PCDHGA1: variants seen among roughly 807,000 people sequenced by gnomAD.
The protein encoded by PCDHGA1 is protocadherin gamma-A1.
In PCDHGA1, 32 loss-of-function variants were observed where a neutral mutation model predicts 58.0. The ratio of observed to expected loss-of-function variants is 0.55; its 90% CI spans 0.42 to 0.74. The LOEUF is 0.74. PCDHGA1 is among the 30% of genes least tolerant of loss of function. The pLI is 0.00. For synonymous variants in PCDHGA1, 498 were observed against 501.1 expected, an observed-to-expected ratio of 0.99 and a Z score of 0.08; for missense variants, 1,205 against 1,182.3, an observed-to-expected ratio of 1.02 and a Z score of -0.28.
At chr5:141,482,530 C>CAAAAAAAAAAAA (rs3074545) in intron 1 of PCDHGA1, among the ~76,000 whole-genome samples, 11 of 76,552 alleles carry the variant, frequency 1.4e-4, no homozygotes, top group African/African-American at 2.9e-4. Flanking sequence ...GACAGACATG[C>CAAAAAAAAAAAA]AAAAAAAAAA....
At chr5:141,417,890 G>GCCGGC (rs2096180101) in intron 1 of PCDHGA1, 1 of 1,568,496 alleles carries the variant, frequency 6.4e-7, no homozygotes, top group Non-Finnish European at 8.6e-7. Context: ...GAGGCGCCGG[G>GCCGGC]CCGGCCCGCG....
chr5:141,470,358 A>G (rs1263824284), intron 1 of PCDHGA1, among the ~76,000 whole-genome samples: 2 of 152,174 alleles, frequency 1.3e-5, no homozygotes, highest in African/African-American at 4.8e-5. Context: ...AAATAGACAC[A>G]TTAGGTTGAA....
Position 141,486,177 on chromosome 5 carries a change from G to A in PCDHGA1, c.2422-8630G>A. The A allele has an allele frequency of 6.2e-7, 1 of 1,614,222 alleles. No individual in the cohort carries two copies. Among genetic ancestry groups the A allele is most frequent in the Non-Finnish European group, 8.5e-7 (1 of 1,180,042 alleles). ...TCTCCAGCCATGGAGCAACATTGCA[G>A]CCTTCGAGTGGATCTGCTGGACGTA... On this transcript the variant is annotated intron_variant, in intron 1 of 3. Coordinates refer to ENST00000517417, the MANE Select transcript of PCDHGA1 (RefSeq NM_018912.3). The surrounding 1 kb of genome is among the most constrained non-coding windows in gnomAD (Gnocchi z 5.0).
chr5:141,388,910 C>T, intron 1 of PCDHGA1: 1 of 1,613,852 alleles, frequency 6.2e-7, no homozygotes, highest in East Asian at 2.2e-5. Context: ...ATGACAACGC[C>T]CCAGAAGTGA....
At chr5:141,468,853 G>C (rs893773356) in intron 1 of PCDHGA1, among the ~76,000 whole-genome samples, 5 of 150,898 alleles carry the variant, frequency 3.3e-5, no homozygotes, top group Non-Finnish European at 7.4e-5. Flanking sequence ...GCAACAGAGC[G>C]AGACTCCATC....
At chr5:141,500,256 T>C (rs1045685908) in intron 2 of PCDHGA1, among the ~76,000 whole-genome samples, 1 of 151,676 alleles carries the variant, frequency 6.6e-6, no homozygotes, top group Non-Finnish European at 1.5e-5. Flanking sequence ...TCACCCAGGC[T>C]GGACTGCAGT....
intron 1 of PCDHGA1, among the ~76,000 whole-genome samples, chr5:141,438,296 A>G (rs902991313): frequency 6.6e-6 from 1 of 152,034 alleles, no homozygotes; most frequent in Non-Finnish European, 1.5e-5. Context: ...CTGTATGTAA[A>G]AGAAGTTGGT....
At chr5:141,505,347 T>C in intron 2 of PCDHGA1, 46 bp from the exon 3 acceptor site, 4 of 1,613,346 alleles carry the variant, frequency 2.5e-6, no homozygotes, top group Non-Finnish European at 2.5e-6. Context: ...GGGCATGAGC[T>C]GTGCCGGCCT....
rs750401937 is a variant in PCDHGA1 at position 141,487,357 on chromosome 5, T to G, written c.2422-7450T>G. 5.0e-6 allele frequency: 8 copies of G among 1,614,212 alleles called. No homozygotes were observed. The highest frequency in any genetic ancestry group is 6.8e-6 in the Non-Finnish European group (8 of 1,180,032). ...CCTGTGGAGTCACATGCTTTCCTGC[T>G]GGCACCTGTGCCTGTCTCACCAGAT... On this transcript the variant is annotated intron_variant, in intron 1 of 3. Transcript: ENST00000517417. This position sits in a 1 kb window ranked among gnomAD's most constrained non-coding sequence, Gnocchi z 5.0.
Position 141,489,120 on chromosome 5 carries a change from G to T in PCDHGA1, c.2422-5687G>T. On this transcript the variant is annotated intron_variant, in intron 1 of 3. Coordinates refer to ENST00000517417, the MANE Select transcript of PCDHGA1 (RefSeq NM_018912.3). The surrounding 1 kb of genome is among the most constrained non-coding windows in gnomAD (Gnocchi z 4.5). Reference sequence around the variant, plus strand: ...AACTGCTGCAAGCAGGCAAACCTCCGAGCAGTTTTTAAGAGGCTGGAAGGA... The same window carrying T: ...AACTGCTGCAAGCAGGCAAACCTCCTAGCAGTTTTTAAGAGGCTGGAAGGA... 2.2e-6 allele frequency: 1 copy of T among 445,672 alleles called. No individual in the cohort carries two copies. The highest frequency in any genetic ancestry group is 3.8e-6 in the Non-Finnish European group (1 of 264,754). The allele number at this position is 445,672 out of a possible 1,614,324, so 27.6% of individuals were successfully genotyped here.
chr5:141,355,630 G>A lies in PCDHGA1; in HGVS notation c.2421+22525G>A, dbSNP rs189922397. Reference sequence around the variant, plus strand: ...AGAACAGAGGGAAATAAAAGTTGCTGAAAATGAAAATCCTGGGGCAAGATT... The same window carrying A: ...AGAACAGAGGGAAATAAAAGTTGCTAAAAATGAAAATCCTGGGGCAAGATT... On this transcript the variant is annotated intron_variant, in intron 1 of 3. Coordinates refer to ENST00000517417, the MANE Select transcript of PCDHGA1 (RefSeq NM_018912.3). The A allele has an allele frequency of 1.9e-6, 3 of 1,613,990 alleles. No homozygotes were observed. In the Admixed American group the frequency reaches 5.0e-5, roughly 27 times the overall value.
At chr5:141,371,615 T>C (rs754452070) in intron 1 of PCDHGA1, 3 of 1,613,964 alleles carry the variant, frequency 1.9e-6, no homozygotes, top group Middle Eastern at 3.3e-4. Flanking sequence ...TGGTGACAGA[T>C]GGAGCCCTGG....
chr5:141,395,305 A>G, intron 1 of PCDHGA1: 1 of 1,514,986 alleles, frequency 6.6e-7, no homozygotes. Flanking sequence ...TATGTTTTGA[A>G]AAACATTGTG....
chr5:141,443,217 G>A (rs1447455858), intron 1 of PCDHGA1, among the ~76,000 whole-genome samples: 8 of 151,656 alleles, frequency 5.3e-5, no homozygotes, highest in African/African-American at 2.4e-5. Flanking sequence ...CTCGCCAGGC[G>A]CATCTATAAT....
rs2099694919 is a variant in PCDHGA1, at chr5:141,490,016, C to T, written c.2422-4791C>T. The T allele has an allele frequency of 6.2e-7, 1 of 1,614,158 alleles. No individual in the cohort carries two copies. The highest frequency in any genetic ancestry group is 8.5e-7 in the Non-Finnish European group (1 of 1,180,060). On this transcript the variant is annotated intron_variant, in intron 1 of 3. Transcript: ENST00000517417. This position sits in a 1 kb window ranked among gnomAD's most constrained non-coding sequence, Gnocchi z 5.4. ...ATCCCAGAGAATGCACCCATTGGTACTCTGCTGCTCCGCCTCAATGCCACT... is the reference window on the plus strand; with the variant it reads ...ATCCCAGAGAATGCACCCATTGGTATTCTGCTGCTCCGCCTCAATGCCACT...
intron 1 of PCDHGA1, chr5:141,418,954 T>G (rs1490406390): frequency 6.2e-7 from 1 of 1,613,914 alleles, no homozygotes; most frequent in East Asian, 2.2e-5. Flanking sequence ...CAGGAGTGGT[T>G]GTTGCCCTCT....
chr5:141,374,747 C>G, intron 1 of PCDHGA1: 1 of 1,612,140 alleles, frequency 6.2e-7, no homozygotes, highest in Non-Finnish European at 8.5e-7. Flanking sequence ...CGACCCTGTC[C>G]GCTCAAGCGT....
In PCDHGA1 at chr5:141,357,521, G is replaced by A. The variant is rs747583956; in HGVS notation, c.2421+24416G>A. 4.3e-6 allele frequency: 7 copies of A among 1,614,228 alleles called. No homozygotes were observed. Among genetic ancestry groups the A allele is most frequent in the Non-Finnish European group, 5.9e-6 (7 of 1,180,044 alleles). ...AGTCACCTGATCTTCTCCCAACCCA[G>A]CTATGCAGACACGCTCATCAGCCGG... On this transcript the variant is annotated intron_variant, in intron 1 of 3. Transcript: ENST00000517417.
rs1231863269 is a variant in PCDHGA1 at position 141,485,594 on chromosome 5, G to A, written c.2422-9213G>A. 1.9e-6 allele frequency: 3 copies of A among 1,612,578 alleles called. No individual in the cohort carries two copies. The highest frequency in any genetic ancestry group is 2.5e-6 in the Non-Finnish European group (3 of 1,178,798). On this transcript the variant is annotated intron_variant, in intron 1 of 3. Transcript: ENST00000517417. The surrounding 1 kb of genome is among the most constrained non-coding windows in gnomAD (Gnocchi z 5.7). ...TTTTCCGCGGCAGCAGCTGGACTTGGAAATTGGGGAGGCAGCTCCTCCAGG... is the reference window on the plus strand; with the variant it reads ...TTTTCCGCGGCAGCAGCTGGACTTGAAAATTGGGGAGGCAGCTCCTCCAGG...
Sources: gnomAD v4.1 joint callset for allele counts (sites outside exome capture counted in the v4.1 genomes callset) on GRCh38, gnomAD v4.1.1 for gene constraint, Gnocchi (gnomAD v3.1) non-coding constraint, MANE v1.5 for transcripts, NCBI Gene and HGNC (gene_info 2026-07-23, HGNC 2026-07-21) for gene names.